GRID2: variants seen among roughly 807,000 people sequenced by gnomAD.
The protein encoded by GRID2 is glutamate ionotropic receptor delta type subunit 2, also known as glutamate receptor ionotropic, delta-2.
Under a neutral mutation model 114.8 loss-of-function variants are expected in GRID2, and 33 were observed. The observed-to-expected ratio is 0.29, with a 90% CI of 0.22 to 0.38. GRID2 has a LOEUF of 0.38. GRID2 is among the 10% of genes least tolerant of loss of function. The probability of loss-of-function intolerance (pLI) is 1.00; values close to 1 mark genes in which losing one functional copy is unlikely to be tolerated. For missense variants in GRID2, 1,184 were observed against 1,257.7 expected (o/e 0.94, Z 0.89); for synonymous variants, 505 against 449.9 (o/e 1.12, Z -1.55).
chr4:92,361,133 A>G (rs1448768392), intron 1 of GRID2, among the ~76,000 whole-genome samples: 1 of 151,938 alleles, frequency 6.6e-6, no homozygotes, highest in Non-Finnish European at 1.5e-5. Flanking sequence ...AGGTACTATT[A>G]TTACCCTCAA....
In GRID2 at chr4:93,610,948, C is replaced by T. The variant is rs1415507966; in HGVS notation, c.2194-15321C>T. ...GGCTGTGAATCCATCTGGTCCTGGA[C>T]TCTTTTAGGTTGGTAAACTATTGAT... On this transcript the variant is annotated intron_variant, in intron 13 of 15. Coordinates refer to ENST00000282020, the MANE Select transcript of GRID2 (RefSeq NM_001510.4). 1.5e-3 allele frequency among the ~76,000 whole-genome samples: 212 copies of T among 137,006 alleles called. 3 individuals carry two copies. Among genetic ancestry groups the T allele is most frequent in the African/African-American group, 5.9e-3 (195 of 33,204 alleles). The allele number at this position is 137,006 out of a possible 152,430, so 89.9% of individuals were successfully genotyped here.
At chr4:92,694,327 C>G (rs550094491) in intron 2 of GRID2, among the ~76,000 whole-genome samples, 69 of 152,228 alleles carry the variant, frequency 4.5e-4, no homozygotes, top group African/African-American at 1.5e-3. Context: ...GTCTCCTGAG[C>G]CTGCTCCCTA....
chr4:93,277,007 G>A (rs1213474690), intron 8 of GRID2, among the ~76,000 whole-genome samples: 1 of 151,744 alleles, frequency 6.6e-6, no homozygotes, highest in African/African-American at 2.4e-5. Context: ...TATTTGATAT[G>A]CTCCCTAGTC....
chr4:93,734,672 A>G (rs1274305684), intron 14 of GRID2, among the ~76,000 whole-genome samples: 1 of 151,998 alleles, frequency 6.6e-6, no homozygotes, highest in Non-Finnish European at 1.5e-5. Flanking sequence ...GTGGCCTGAT[A>G]TTACTTATCT....
chr4:93,573,445 C>A (rs959799184), intron 13 of GRID2, among the ~76,000 whole-genome samples: 1 of 152,112 alleles, frequency 6.6e-6, no homozygotes, highest in Non-Finnish European at 1.5e-5. Flanking sequence ...CTGTATGCTG[C>A]CTTTATCTTC....
At chr4:93,696,116 CAT>C (rs1295142940) in intron 14 of GRID2, among the ~76,000 whole-genome samples, 1 of 152,190 alleles carries the variant, frequency 6.6e-6, no homozygotes, top group African/African-American at 2.4e-5. Context: ...ACATATTCCA[CAT>C]GTTTTTCCCA....
chr4:92,706,726 T>C (rs2149305950), intron 2 of GRID2, among the ~76,000 whole-genome samples: 1 of 152,346 alleles, frequency 6.6e-6, no homozygotes, highest in Non-Finnish European at 1.5e-5. Context: ...TATCAGAACC[T>C]AGACCCAAAT....
intron 2 of GRID2, among the ~76,000 whole-genome samples, chr4:92,987,288 G>A (rs1754563804): frequency 1.3e-5 from 2 of 152,070 alleles, no homozygotes; most frequent in South Asian, 2.1e-4. Context: ...GAAGGTACAG[G>A]CAATGTTGAT....
intron 2 of GRID2, among the ~76,000 whole-genome samples, chr4:93,078,794 A>T (rs1341534115): frequency 2.0e-5 from 3 of 146,862 alleles, no homozygotes; most frequent in Non-Finnish European, 4.5e-5. Flanking sequence ...TACTAAATAT[A>T]ATTATATTTA....
chr4:93,672,934 G>C (rs913814241), intron 14 of GRID2, among the ~76,000 whole-genome samples: 2 of 152,100 alleles, frequency 1.3e-5, no homozygotes, highest in African/African-American at 4.8e-5. Flanking sequence ...CATAGTTTAA[G>C]CTTTATACTC....
At chr4:93,415,818 A>G (rs371410040) in intron 9 of GRID2, among the ~76,000 whole-genome samples, 1 of 152,058 alleles carries the variant, frequency 6.6e-6, no homozygotes, top group African/African-American at 2.4e-5. Flanking sequence ...AAATATTTGT[A>G]TTTAAATAAT....
rs1578749955 is a variant in GRID2, at chr4:93,758,320, A to G, written c.2361-10890A>G. ...ATGATCTAACTCACTCCTGGCTGAG[A>G]GTTTTTATTATGTGCACTGAATTTA... is the stretch of plus-strand genomic sequence containing the variant. On this transcript the variant is annotated intron_variant, in intron 14 of 15. Transcript: ENST00000282020. Among the ~76,000 whole-genome samples the G allele has an allele frequency of 4.6e-5, 7 of 152,326 alleles. 1 individual carries two copies. The highest frequency in any genetic ancestry group is 4.6e-4 in the Admixed American group (7 of 15,288).
chr4:92,805,671 G>A (rs1011628959), intron 2 of GRID2, among the ~76,000 whole-genome samples: 7 of 151,898 alleles, frequency 4.6e-5, no homozygotes, highest in Non-Finnish European at 7.4e-5. Context: ...AGTGGCTCAC[G>A]CTTGTAATCC....
chr4:92,832,593 C>T (rs1430146052), intron 2 of GRID2, among the ~76,000 whole-genome samples: 2 of 152,050 alleles, frequency 1.3e-5, no homozygotes, highest in African/African-American at 4.8e-5. Flanking sequence ...GGGGTTTCAC[C>T]ATGTTGGCCA....
In GRID2 at chr4:92,885,631, C is replaced by T. The variant is rs182792338; in HGVS notation, c.245-199364C>T. On this transcript the variant is annotated intron_variant, in intron 2 of 15. Coordinates refer to ENST00000282020, the MANE Select transcript of GRID2 (RefSeq NM_001510.4). ...TGTTTAAAGAACATGTTCTTACCCC[C>T]GTTTTTATTGTTTGGGGATTCTTTG... is the stretch of plus-strand genomic sequence containing the variant. Among the ~76,000 whole-genome samples the T allele has an allele frequency of 3.3e-5, 5 of 152,262 alleles. No individual in the cohort carries two copies. The East Asian group carries it at 5.8e-4, about 18-fold the overall frequency.
chr4:93,356,697 C>A (rs966926509), intron 8 of GRID2, among the ~76,000 whole-genome samples: 1 of 151,666 alleles, frequency 6.6e-6, no homozygotes, highest in Non-Finnish European at 1.5e-5. Context: ...TAAAACATAA[C>A]GTGTAAACAA....
intron 4 of GRID2, among the ~76,000 whole-genome samples, chr4:93,192,070 C>A (rs1246998985): frequency 6.6e-6 from 1 of 152,104 alleles, no homozygotes; most frequent in Non-Finnish European, 1.5e-5. Context: ...TTTATTTTCA[C>A]TGGGGCTTAT....
Position 93,019,817 on chromosome 4 carries a change from A to T in GRID2, c.245-65178A>T, listed in dbSNP as rs553083930. ...CGTTTTAAGAGAGATATTAAAGGGT[A>T]ACACATTGTATGATCGTATCAAAGT... is the stretch of plus-strand genomic sequence containing the variant. On this transcript the variant is annotated intron_variant, in intron 2 of 15. Transcript: ENST00000282020. 3.3e-5 allele frequency among the ~76,000 whole-genome samples: 5 copies of T among 152,328 alleles called. No homozygotes were observed. In the East Asian group the frequency reaches 9.7e-4, roughly 29 times the overall value.
intron 2 of GRID2, among the ~76,000 whole-genome samples, chr4:92,959,162 A>G (rs762735361): frequency 1.7e-4 from 19 of 109,096 alleles, no homozygotes; most frequent in Admixed American, 3.4e-4. Flanking sequence ...GAATTTCTCT[A>G]TTGGCTTCCT....
Sources: gnomAD v4.1 joint callset for allele counts (sites outside exome capture counted in the v4.1 genomes callset) on GRCh38, gnomAD v4.1.1 for gene constraint, MANE v1.5 for transcripts, NCBI Gene and HGNC (gene_info 2026-07-23, HGNC 2026-07-21) for gene names.